PKN2: variants seen among roughly 807,000 people sequenced by gnomAD.
The protein encoded by PKN2 is serine/threonine-protein kinase N2.
A neutral mutation model predicts 119.1 loss-of-function variants in PKN2; 38 were observed. That is an observed-to-expected ratio of 0.32 (90% confidence interval 0.25 to 0.42). The LOEUF is 0.42. Among genes scored for constraint, PKN2 ranks in the 10% least tolerant of loss-of-function variants. The pLI, the probability that PKN2 is intolerant of heterozygous loss-of-function variation, is 1.00. For missense variants in PKN2, 850 were observed against 1,165.1 expected (o/e 0.73, Z 3.94); for synonymous variants, 390 against 384.9 (o/e 1.01, Z -0.15).
intron 3 of PKN2, among the ~76,000 whole-genome samples, chr1:88,762,802 A>G (rs1669500841): frequency 6.6e-6 from 1 of 152,216 alleles, no homozygotes; most frequent in African/African-American, 2.4e-5. Flanking sequence ...TTGAAAAATG[A>G]TTTGGCATTT....
At chr1:88,789,479 A>G (rs929343796) in intron 8 of PKN2, among the ~76,000 whole-genome samples, 1 of 152,088 alleles carries the variant, frequency 6.6e-6, no homozygotes, top group African/African-American at 2.4e-5. Context: ...CCTGACCAAC[A>G]TAGTGAAACC....
chr1:88,725,786 TACGA>T (rs1667874241), intron 1 of PKN2, among the ~76,000 whole-genome samples: 1 of 152,220 alleles, frequency 6.6e-6, no homozygotes, highest in Non-Finnish European at 1.5e-5. Context: ...ATTGGTGTCC[TACGA>T]ACTCTTCACT....
intron 1 of PKN2, among the ~76,000 whole-genome samples, chr1:88,698,314 C>A (rs1281397284): frequency 6.6e-6 from 1 of 152,100 alleles, no homozygotes; most frequent in East Asian, 1.9e-4. Context: ...TAGCACTGAC[C>A]TTGACAGAGA....
intron 1 of PKN2, among the ~76,000 whole-genome samples, chr1:88,695,105 C>T (rs534361733): frequency 2.0e-5 from 3 of 151,154 alleles, no homozygotes; most frequent in Non-Finnish European, 4.4e-5. Context: ...CCAGCCTGGG[C>T]GACAGAGCGA....
In PKN2 at chr1:88,764,157, C is replaced by T. The variant is rs192566100; in HGVS notation, c.504+3781C>T. On this transcript the variant is annotated intron_variant, in intron 3 of 21. Coordinates refer to ENST00000370521, the MANE Select transcript of PKN2 (RefSeq NM_006256.4). ...CTGATCTCATCTTCTAAAACACCTTCCTCTCTCATTACACTCTAGCTACTC... is the reference window on the plus strand; with the variant it reads ...CTGATCTCATCTTCTAAAACACCTTTCTCTCTCATTACACTCTAGCTACTC... Among the ~76,000 whole-genome samples, 386 of 152,322 alleles carry T rather than the reference C, an allele frequency of 2.5e-3. 2 individuals carry two copies. The highest frequency in any genetic ancestry group is 9.0e-3 in the African/African-American group (373 of 41,566).
chr1:88,710,883 G>C (rs1006371280), intron 1 of PKN2, among the ~76,000 whole-genome samples: 4 of 152,120 alleles, frequency 2.6e-5, no homozygotes, highest in African/African-American at 9.7e-5. Flanking sequence ...CAATAGCAAA[G>C]ACATGGAATC....
intron 3 of PKN2, among the ~76,000 whole-genome samples, chr1:88,767,388 T>C (rs1331058691): frequency 6.6e-6 from 1 of 152,204 alleles, no homozygotes; most frequent in Non-Finnish European, 1.5e-5. Context: ...ATACTTTTAC[T>C]CTAGTCTGAT....
intron 6 of PKN2, among the ~76,000 whole-genome samples, chr1:88,779,139 C>G (rs1444390810): frequency 6.6e-6 from 1 of 152,214 alleles, no homozygotes; most frequent in Non-Finnish European, 1.5e-5. Flanking sequence ...CTTCTCTGCT[C>G]CCTCCTTACA....
intron 1 of PKN2, among the ~76,000 whole-genome samples, chr1:88,714,843 CT>C (rs1349752204): frequency 6.6e-6 from 1 of 152,166 alleles, no homozygotes; most frequent in Non-Finnish European, 1.5e-5. Flanking sequence ...GCATCCCTGT[CT>C]TGTGCCAGTT....
intron 16 of PKN2, among the ~76,000 whole-genome samples, chr1:88,815,068 G>A (rs942600612): frequency 1.3e-5 from 2 of 152,152 alleles, no homozygotes; most frequent in African/African-American, 2.4e-5. Flanking sequence ...AGAAGGCTAC[G>A]AATAATTCAT....
chr1:88,697,693 G>A (rs1244566998), intron 1 of PKN2, among the ~76,000 whole-genome samples: 1 of 151,988 alleles, frequency 6.6e-6, no homozygotes, highest in Admixed American at 6.5e-5. Context: ...CATTGTTGTA[G>A]CCCCAAAATG....
intron 16 of PKN2, among the ~76,000 whole-genome samples, chr1:88,818,616 C>G (rs1171461753): frequency 6.6e-6 from 1 of 150,494 alleles, no homozygotes; most frequent in African/African-American, 2.5e-5. Context: ...CCACTGCACT[C>G]CAGCCTGGGC....
intron 15 of PKN2, among the ~76,000 whole-genome samples, chr1:88,811,330 G>A (rs1671775433): frequency 6.6e-6 from 1 of 152,154 alleles, no homozygotes; most frequent in African/African-American, 2.4e-5. Flanking sequence ...TATTAATGAT[G>A]TTTTCCCCTG....
intron 2 of PKN2, among the ~76,000 whole-genome samples, chr1:88,754,721 G>C (rs1231881671): frequency 6.6e-6 from 1 of 152,152 alleles, no homozygotes; most frequent in Non-Finnish European, 1.5e-5. Context: ...AATTAGTCTT[G>C]TCTGCGTTCC....
At position 88,771,827 on chromosome 1, in the gene PKN2, G is replaced by C; in HGVS notation, c.933G>C (p.Met311Ile). 1 of 1,613,994 alleles carries C rather than the reference G, an allele frequency of 6.2e-7. No individual in the cohort carries two copies. The highest frequency in any genetic ancestry group is 8.5e-7 in the Non-Finnish European group (1 of 1,179,942). Residue 311 changes from methionine to isoleucine, a missense_variant, in exon 6 of 22, where the codon ATG (methionine) becomes ATC (isoleucine). Around this residue, in one of 9 missense-constraint regions of PKN2, gnomAD observed 350 missense variants for 511.1 expected, o/e 0.68. Coordinates refer to ENST00000370521, the MANE Select transcript of PKN2 (RefSeq NM_006256.4). ...ASPTLSPRQS[M>I]ISTQNQYSTL... ...CAACACTAAGTCCACGTCAAAGTAT[G>C]ATATCTACGCAAAATCAATATAGTA... is the stretch of plus-strand genomic sequence containing the variant.
chr1:88,692,571 T>C (rs1666375571), intron 1 of PKN2, among the ~76,000 whole-genome samples: 2 of 152,212 alleles, frequency 1.3e-5, no homozygotes, highest in South Asian at 4.1e-4. Flanking sequence ...GGGTGTAAAA[T>C]GTTGCCTTAT....
chr1:88,746,294 G>A (rs757440920), intron 2 of PKN2, among the ~76,000 whole-genome samples: 1 of 152,062 alleles, frequency 6.6e-6, no homozygotes. Flanking sequence ...GGAAACTTCT[G>A]CACAGCAAAG....
chr1:88,765,615 T>C (rs1669637909), intron 3 of PKN2, among the ~76,000 whole-genome samples: 1 of 152,226 alleles, frequency 6.6e-6, no homozygotes, highest in Admixed American at 6.5e-5. Context: ...TTGAGTTCTT[T>C]AGTGGAAGTG....
In PKN2 at chr1:88,726,763, G is replaced by GTT. The variant is rs34135870; in HGVS notation, c.49-14217_49-14216dup. Among the ~76,000 whole-genome samples the GTT allele has an allele frequency of 5.3e-3, 805 of 150,586 alleles. 9 individuals are homozygous for GTT. The highest frequency in any genetic ancestry group is 0.017 in the African/African-American group (690 of 41,088). ...ATTTCATATTGGGTGAGTTTTGGTG[G>GTT]TTTTTTTTTGAAGAATTGGTTCATT... is the stretch of plus-strand genomic sequence containing the variant. On this transcript the variant is annotated intron_variant, in intron 1 of 21. Coordinates refer to ENST00000370521, the MANE Select transcript of PKN2 (RefSeq NM_006256.4).
Sources: allele counts gnomAD v4.1 joint callset (sites outside exome capture counted in the v4.1 genomes callset), GRCh38; gene constraint gnomAD v4.1.1; regional missense constraint gnomAD v4.1.1; transcripts MANE v1.5; gene names NCBI Gene and HGNC (gene_info 2026-07-23, HGNC 2026-07-21).